The following PCDH9 variants were observed in gnomAD, a reference collection of about 807,000 sequenced individuals.
PCDH9 encodes the protein protocadherin 9, also known as protocadherin-9.
In PCDH9, 24 loss-of-function variants were observed where a neutral mutation model predicts 70.6. The observed-to-expected ratio is 0.34, with a 90% CI of 0.25 to 0.48. The LOEUF is 0.48. Ranked by LOEUF, PCDH9 falls within the 20% of genes least tolerant of loss-of-function variation. The pLI is 0.99. For missense variants in PCDH9, 1,281 were observed against 1,503.6 expected (o/e 0.85, Z 2.45); for synonymous variants, 562 against 558.5 (o/e 1.01, Z -0.09).
chr13:67,193,097 C>A (rs2138025847), intron 2 of PCDH9, among the ~76,000 whole-genome samples: 2 of 152,134 alleles, frequency 1.3e-5, no homozygotes, highest in South Asian at 4.2e-4. Context: ...ATACTATGTT[C>A]AAATGTACCA....
chr13:66,409,271 C>A (rs752467543), intron 4 of PCDH9, among the ~76,000 whole-genome samples: 2 of 151,956 alleles, frequency 1.3e-5, no homozygotes, highest in Non-Finnish European at 2.9e-5. Context: ...CATTATGTTC[C>A]CTTACTGTGA....
intron 4 of PCDH9, among the ~76,000 whole-genome samples, chr13:66,579,989 A>T (rs1352195679): frequency 1.3e-5 from 2 of 152,102 alleles, no homozygotes; most frequent in Non-Finnish European, 2.9e-5. Context: ...AGATTTTTGA[A>T]GATGTTCAAA....
At chr13:66,356,462 G>T (rs571996741) in intron 4 of PCDH9, among the ~76,000 whole-genome samples, 182 of 151,762 alleles carry the variant, frequency 1.2e-3, no homozygotes, top group Non-Finnish European at 2.3e-3. Context: ...CTCTCTGCAG[G>T]TTCATAATTC....
At chr13:66,967,820 A>G (rs2083455104) in intron 2 of PCDH9, among the ~76,000 whole-genome samples, 2 of 152,042 alleles carry the variant, frequency 1.3e-5, no homozygotes, top group African/African-American at 4.8e-5. Context: ...ATGGTCCTTC[A>G]TTGAATCCTA....
intron 2 of PCDH9, among the ~76,000 whole-genome samples, chr13:66,907,732 A>T (rs1011011441): frequency 6.6e-6 from 1 of 152,200 alleles, no homozygotes; most frequent in Non-Finnish European, 1.5e-5. Flanking sequence ...TCTTTGCTAA[A>T]TAGGGGGTTC....
chr13:66,455,984 T>C (rs1449090653), intron 4 of PCDH9, among the ~76,000 whole-genome samples: 1 of 152,140 alleles, frequency 6.6e-6, no homozygotes, highest in Non-Finnish European at 1.5e-5. Context: ...CGATGTCGCA[T>C]GAATATATAT....
chr13:66,356,276 C>T (rs1037759532), intron 4 of PCDH9, among the ~76,000 whole-genome samples: 1 of 152,072 alleles, frequency 6.6e-6, no homozygotes, highest in African/African-American at 2.4e-5. Flanking sequence ...TGCAGAATCC[C>T]TGCAGCACCT....
intron 2 of PCDH9, among the ~76,000 whole-genome samples, chr13:66,907,745 T>C (rs1393197811): frequency 1.3e-5 from 2 of 152,202 alleles, no homozygotes; most frequent in African/African-American, 4.8e-5. Context: ...GGGGGTTCTT[T>C]ACATTTTCAA....
intron 2 of PCDH9, chr13:67,206,400 A>C (rs547396723): frequency 6.6e-6 from 1 of 152,190 alleles, no homozygotes; most frequent in South Asian, 2.1e-4. Flanking sequence ...TCCTGAGCTC[A>C]TGATCTGCCC....
chr13:66,336,066 T>A (rs1956032271), intron 4 of PCDH9, among the ~76,000 whole-genome samples: 1 of 151,970 alleles, frequency 6.6e-6, no homozygotes. Context: ...GGGTACATAA[T>A]GGAAAGAGAA....
chr13:67,024,787 G>T (rs1190824591), intron 2 of PCDH9, among the ~76,000 whole-genome samples: 1 of 151,976 alleles, frequency 6.6e-6, no homozygotes, highest in Non-Finnish European at 1.5e-5. Flanking sequence ...TGTCATGTCT[G>T]TTGCTATTAT....
At chr13:67,174,301 A>C (rs2088381375) in intron 2 of PCDH9, among the ~76,000 whole-genome samples, 1 of 148,286 alleles carries the variant, frequency 6.7e-6, no homozygotes, top group African/African-American at 2.5e-5. Flanking sequence ...GATGATAGAT[A>C]GATAGATAGA....
At chr13:66,882,462 C>T (rs1690327307) in intron 3 of PCDH9, among the ~76,000 whole-genome samples, 2 of 151,896 alleles carry the variant, frequency 1.3e-5, no homozygotes, top group African/African-American at 4.9e-5. Context: ...TCCATCAAAA[C>T]TTGGCTCTGT....
At chr13:67,069,911 T>C (rs897152975) in intron 2 of PCDH9, among the ~76,000 whole-genome samples, 2 of 151,996 alleles carry the variant, frequency 1.3e-5, no homozygotes, top group African/African-American at 2.4e-5. Context: ...CATTCATCCT[T>C]TGTGTCACAT....
intron 2 of PCDH9, among the ~76,000 whole-genome samples, chr13:67,042,638 C>A (rs958106913): frequency 2.0e-5 from 3 of 152,192 alleles, no homozygotes; most frequent in African/African-American, 7.2e-5. Context: ...CTACTCTTTA[C>A]ATTAGCAATT....
At chr13:66,926,951 G>A (rs2082726760) in intron 2 of PCDH9, among the ~76,000 whole-genome samples, 1 of 152,048 alleles carries the variant, frequency 6.6e-6, no homozygotes, top group Non-Finnish European at 1.5e-5. Flanking sequence ...GGAAGTCTTA[G>A]AATAACATTA....
intron 2 of PCDH9, among the ~76,000 whole-genome samples, chr13:67,167,179 T>C (rs2088141679): frequency 6.6e-6 from 1 of 152,126 alleles, no homozygotes; most frequent in African/African-American, 2.4e-5. Context: ...CATGATGAAA[T>C]GGTTAAGCAC....
chr13:67,082,551 A>C (rs2086006538), intron 2 of PCDH9, among the ~76,000 whole-genome samples: 1 of 152,074 alleles, frequency 6.6e-6, no homozygotes, highest in South Asian at 2.1e-4. Context: ...TTTACAAGTG[A>C]TCTTGTTTGA....
chr13:66,602,319 C>A (rs1231373611), intron 4 of PCDH9, among the ~76,000 whole-genome samples: 1 of 146,432 alleles, frequency 6.8e-6, no homozygotes, highest in Non-Finnish European at 1.5e-5. Flanking sequence ...GTTGGACAAG[C>A]TTGATCTAGA....
Sources: gnomAD v4.1 joint callset for allele counts (sites outside exome capture counted in the v4.1 genomes callset) on GRCh38, gnomAD v4.1.1 for gene constraint, MANE v1.5 for transcripts, NCBI Gene and HGNC (gene_info 2026-07-23, HGNC 2026-07-21) for gene names.